The following RIN3 variants were observed in gnomAD, a reference collection of about 807,000 sequenced individuals.
RIN3 encodes the protein RAB5 interacting protein 3.
A neutral mutation model predicts 76.3 loss-of-function variants in RIN3; 54 were observed. The ratio of observed to expected loss-of-function variants is 0.71; its 90% CI spans 0.57 to 0.89. RIN3 has a LOEUF of 0.89. RIN3 is among the 40% of genes least tolerant of loss of function. The pLI is 0.00. For synonymous variants in RIN3, 576 were observed against 564.0 expected, an observed-to-expected ratio of 1.02 and a Z score of -0.30; for missense variants, 1,256 against 1,322.1, an observed-to-expected ratio of 0.95 and a Z score of 0.78.
intron 7 of RIN3, among the ~76,000 whole-genome samples, chr14:92,665,640 C>CA (rs1321110787): frequency 2.0e-5 from 3 of 152,146 alleles, no homozygotes; most frequent in Non-Finnish European, 4.4e-5. Context: ...CTCGGCCTCT[C>CA]AAAGTGCTGG....
intron 3 of RIN3, among the ~76,000 whole-genome samples, chr14:92,587,912 C>G (rs1884834535): frequency 6.6e-6 from 1 of 152,104 alleles, no homozygotes; most frequent in African/African-American, 2.4e-5. Flanking sequence ...CTGGGAAGTC[C>G]AAGATCAGGA....
chr14:92,528,234 A>G (rs1207404515), intron 1 of RIN3, among the ~76,000 whole-genome samples: 1 of 152,080 alleles, frequency 6.6e-6, no homozygotes, highest in East Asian at 1.9e-4. Flanking sequence ...GGCCGCCTTT[A>G]TTCCCTCCCA....
chr14:92,572,408 A>C (rs990126414), intron 2 of RIN3, among the ~76,000 whole-genome samples: 30 of 152,330 alleles, frequency 2.0e-4, no homozygotes, highest in African/African-American at 6.7e-4. Context: ...AGTTTGTGAG[A>C]TGTAATCGAG....
At chr14:92,537,843 T>A (rs376445350) in intron 1 of RIN3, among the ~76,000 whole-genome samples, 17,702 of 118,062 alleles carry the variant, frequency 0.15, 1,220 homozygotes, top group Admixed American at 0.22. Context: ...TTTTATTTAT[T>A]TTTTTTTTTT....
At chr14:92,595,716 C>T (rs1427199419) in intron 3 of RIN3, among the ~76,000 whole-genome samples, 1 of 152,190 alleles carries the variant, frequency 6.6e-6, no homozygotes, top group Non-Finnish European at 1.5e-5. Context: ...AGGCTGACCT[C>T]ACCTGGCAAG....
At chr14:92,561,040 A>ATATATATATAT (rs1306892381) in intron 2 of RIN3, among the ~76,000 whole-genome samples, 10 of 15,440 alleles carry the variant, frequency 6.5e-4, no homozygotes, top group Admixed American at 2.3e-3. Context: ...AAAAAAAAAA[A>ATATATATATAT]AAAAATATAT....
At chr14:92,613,477 T>C (rs895975818) in intron 3 of RIN3, among the ~76,000 whole-genome samples, 12 of 152,238 alleles carry the variant, frequency 7.9e-5, no homozygotes, top group Admixed American at 3.3e-4. Flanking sequence ...TTTTTAATTA[T>C]GTGAACTGTT....
intron 1 of RIN3, among the ~76,000 whole-genome samples, chr14:92,517,787 C>A (rs1896481949): frequency 6.6e-6 from 1 of 152,192 alleles, no homozygotes; most frequent in South Asian, 2.1e-4. Flanking sequence ...CAAACTGGAT[C>A]TCCCCTCCGT....
At chr14:92,624,738 C>T (rs1379642759) in intron 4 of RIN3, among the ~76,000 whole-genome samples, 1 of 152,128 alleles carries the variant, frequency 6.6e-6, no homozygotes, top group Admixed American at 6.5e-5. Context: ...CTAGCAAGAG[C>T]ACAAGGAAAG....
intron 1 of RIN3, among the ~76,000 whole-genome samples, chr14:92,521,005 T>TA (rs1245062537): frequency 6.6e-6 from 1 of 152,214 alleles, no homozygotes; most frequent in Non-Finnish European, 1.5e-5. Context: ...AGCATCCATC[T>TA]AAACTATACT....
chr14:92,659,253 G>A lies in RIN3; in HGVS notation c.2119G>A (p.Gly707Ser), dbSNP rs1260511253. The change falls in exon 7 of 10, where the codon GGT (glycine) becomes AGT (serine). Residue 707 changes from glycine to serine, a missense_variant. Gly to Ser is a moderately conservative substitution (Grantham distance 56). Transcript: ENST00000216487. ...SCLHQIHSKDGSLQQLKENQL... is the reference protein window; with the variant it reads ...SCLHQIHSKDSSLQQLKENQL... Reference sequence around the variant, plus strand: ...CCTGCATCAGATCCACAGCAAGGATGGTTCGCTGCAGCAGCTCAAGGAGAA... The same window carrying A: ...CCTGCATCAGATCCACAGCAAGGATAGTTCGCTGCAGCAGCTCAAGGAGAA... 6.2e-7 allele frequency: 1 copy of A among 1,614,206 alleles called. No homozygotes were observed. Among genetic ancestry groups the A allele is most frequent in the Non-Finnish European group, 8.5e-7 (1 of 1,180,020 alleles).
At chr14:92,626,900 G>T (rs572198125) in intron 4 of RIN3, among the ~76,000 whole-genome samples, 5 of 152,232 alleles carry the variant, frequency 3.3e-5, no homozygotes, top group African/African-American at 1.2e-4. Context: ...GTCTCTTCCC[G>T]CAAGACCAGA....
At chr14:92,665,426 T>C (rs144381570) in intron 7 of RIN3, among the ~76,000 whole-genome samples, 4,920 of 139,164 alleles carry the variant, frequency 0.035, 286 homozygotes, top group African/African-American at 0.13. Flanking sequence ...TCGCCCAGGC[T>C]GGAGTGCAGT....
At chr14:92,590,001 A>G (rs1884924136) in intron 3 of RIN3, among the ~76,000 whole-genome samples, 1 of 152,226 alleles carries the variant, frequency 6.6e-6, no homozygotes, top group Admixed American at 6.5e-5. Flanking sequence ...AGAAACCCAC[A>G]GGCAAAACTC....
At position 92,652,260 on chromosome 14, in the gene RIN3, TGGC is replaced by T. The variant is rs1220258405; in HGVS notation, c.1215_1217del (p.Ala406del). 1 of 1,611,038 alleles carries T rather than the reference TGGC, an allele frequency of 6.2e-7. No homozygotes were observed. Among genetic ancestry groups the T allele is most frequent in the East Asian group, 2.2e-5 (1 of 44,770 alleles). ...TCCTTAGAAGACCAAAGTCCGGGGA[TGGC>T]GGCAGAGGGGGACCAGCTCAGCCTG... On this transcript the variant is annotated inframe_deletion, in exon 6 of 10. Coordinates refer to ENST00000216487, the MANE Select transcript of RIN3 (RefSeq NM_024832.5). The surrounding 1 kb of genome is among the most constrained non-coding windows in gnomAD (Gnocchi z 6.4).
chr14:92,622,693 A>T (rs2140111217), intron 4 of RIN3, among the ~76,000 whole-genome samples: 1 of 152,320 alleles, frequency 6.6e-6, no homozygotes, highest in South Asian at 2.1e-4. Context: ...GACATCATCA[A>T]AGGAGGCAAG....
chr14:92,650,585 T>C (rs1045328446), intron 5 of RIN3, among the ~76,000 whole-genome samples: 12 of 152,236 alleles, frequency 7.9e-5, no homozygotes, highest in African/African-American at 2.9e-4. Flanking sequence ...TCATCCTCTG[T>C]CCAGCTCCAA....
At chr14:92,618,320 A>G (rs1470112240) in intron 4 of RIN3, among the ~76,000 whole-genome samples, 1 of 152,210 alleles carries the variant, frequency 6.6e-6, no homozygotes, top group Non-Finnish European at 1.5e-5. Context: ...GAACTTGGGA[A>G]AAGCTGTTCA....
intron 2 of RIN3, among the ~76,000 whole-genome samples, chr14:92,569,649 G>T (rs190041127): frequency 6.1e-4 from 93 of 152,000 alleles, no homozygotes; most frequent in Non-Finnish European, 1.1e-3. Context: ...CGAACAAAGT[G>T]AGAAAACCTA....
Sources: allele counts gnomAD v4.1 joint callset (sites outside exome capture counted in the v4.1 genomes callset), GRCh38; gene constraint gnomAD v4.1.1; non-coding constraint Gnocchi (gnomAD v3.1); transcripts MANE v1.5; gene names NCBI Gene and HGNC (gene_info 2026-07-23, HGNC 2026-07-21).